Variants in HS6ST3 observed in about 807,000 individuals in gnomAD.
HS6ST3 encodes the protein heparan sulfate 6-O-sulfotransferase 3, also known as heparan-sulfate 6-O-sulfotransferase 3.
In HS6ST3, 12 loss-of-function variants were observed where a neutral mutation model predicts 36.7. The ratio of observed to expected loss-of-function variants is 0.33; its 90% CI spans 0.21 to 0.53. HS6ST3 has a LOEUF of 0.53. Among genes scored for constraint, HS6ST3 ranks in the 20% least tolerant of loss-of-function variants. The pLI is 0.95. For synonymous variants in HS6ST3, 240 were observed against 257.5 expected, an observed-to-expected ratio of 0.93 and a Z score of 0.65; for missense variants, 584 against 640.9, an observed-to-expected ratio of 0.91 and a Z score of 0.96.
rs59107741 is a variant in HS6ST3 at position 96,112,578 on chromosome 13, AATATATAT to A, written c.707+21046_707+21053del. Among the ~76,000 whole-genome samples the A allele has an allele frequency of 6.8e-3, 554 of 81,216 alleles. 41 individuals are homozygous for A. Among genetic ancestry groups the A allele is most frequent in the East Asian group, 0.012 (29 of 2,424 alleles). The allele number at this position is 81,216 out of a possible 152,430, so 53.3% of individuals were successfully genotyped here. A position where few individuals can be genotyped will look rare whatever the true frequency, so the allele number is the denominator to read the frequency against. ...TAAAACCCCATCTCTAAAATAAATA[AATATATAT>A]ATATATATATATATATATATATATA... is the stretch of plus-strand genomic sequence containing the variant. On this transcript the variant is annotated intron_variant, in intron 1 of 1. Coordinates refer to ENST00000376705, the MANE Select transcript of HS6ST3 (RefSeq NM_153456.4).
chr13:96,708,741 C>A (rs1483696363), intron 1 of HS6ST3, among the ~76,000 whole-genome samples: 1 of 152,164 alleles, frequency 6.6e-6, no homozygotes, highest in Non-Finnish European at 1.5e-5. Context: ...TTCAACTCAT[C>A]TGGGGAGCAG....
At chr13:96,242,220 C>CTT (rs149222857) in intron 1 of HS6ST3, among the ~76,000 whole-genome samples, 6 of 146,862 alleles carry the variant, frequency 4.1e-5, no homozygotes, top group South Asian at 2.2e-4. Flanking sequence ...GTTTTTGAGT[C>CTT]TTTTTTTTTT....
At chr13:96,438,795 G>A (rs1243515391) in intron 1 of HS6ST3, among the ~76,000 whole-genome samples, 1 of 152,230 alleles carries the variant, frequency 6.6e-6, no homozygotes, top group African/African-American at 2.4e-5. Flanking sequence ...GCTGGGCACA[G>A]TGGCTCATGC....
chr13:96,294,532 C>T (rs1343940966), intron 1 of HS6ST3, among the ~76,000 whole-genome samples: 4 of 152,038 alleles, frequency 2.6e-5, no homozygotes, highest in Admixed American at 2.6e-4. Flanking sequence ...AATGCAAACC[C>T]AGGATGTTCC....
chr13:96,758,941 A>G (rs1876898390), intron 1 of HS6ST3, among the ~76,000 whole-genome samples: 1 of 151,616 alleles, frequency 6.6e-6, no homozygotes, highest in Non-Finnish European at 1.5e-5. Flanking sequence ...ATTATCCTGA[A>G]TTTCTCTATT....
At position 96,701,796 on chromosome 13, in the gene HS6ST3, C is replaced by CA. The variant is rs1277943101; in HGVS notation, c.708-130686dup. Among the ~76,000 whole-genome samples, 10 of 151,670 alleles carry CA rather than the reference C, an allele frequency of 6.6e-5. No homozygotes were observed. In the East Asian group the frequency reaches 9.7e-4, roughly 15 times the overall value. On this transcript the variant is annotated intron_variant, in intron 1 of 1. Coordinates refer to ENST00000376705, the MANE Select transcript of HS6ST3 (RefSeq NM_153456.4). ...GCAACATGATGACATCCCATCTCTA[C>CA]AAAAAAAATACAAAAATTAGCCAGG...
intron 1 of HS6ST3, among the ~76,000 whole-genome samples, chr13:96,167,831 T>C (rs1001094668): frequency 5.3e-5 from 8 of 152,212 alleles, no homozygotes; most frequent in Non-Finnish European, 1.2e-4. Flanking sequence ...TTTATAAATA[T>C]ATGTCTAAAG....
intron 1 of HS6ST3, among the ~76,000 whole-genome samples, chr13:96,780,005 G>A (rs1019642825): frequency 6.6e-6 from 1 of 152,120 alleles, no homozygotes; most frequent in Non-Finnish European, 1.5e-5. Context: ...CAAAGAACTA[G>A]GACAAGGTAA....
chr13:96,608,515 G>A (rs780828968), intron 1 of HS6ST3, among the ~76,000 whole-genome samples: 1 of 152,180 alleles, frequency 6.6e-6, no homozygotes, highest in Non-Finnish European at 1.5e-5. Context: ...AGGCTATTGA[G>A]AGGACAAAGG....
At position 96,189,602 on chromosome 13, in the gene HS6ST3, C is replaced by T. The variant is rs1215839990; in HGVS notation, c.707+98033C>T. Among the ~76,000 whole-genome samples the T allele has an allele frequency of 2.6e-5, 4 of 152,186 alleles. No homozygotes were observed. The East Asian group carries it at 7.7e-4, about 29-fold the overall frequency. ...TTCTGGGGGTCCAAGAATCAGTCAA[C>T]ATTTGCTGCAGTAATAACTGTCAAA... On this transcript the variant is annotated intron_variant, in intron 1 of 1. Transcript: ENST00000376705.
intron 1 of HS6ST3, among the ~76,000 whole-genome samples, chr13:96,714,904 G>T (rs998314847): frequency 5.9e-5 from 9 of 151,812 alleles, no homozygotes; most frequent in African/African-American, 2.2e-4. Context: ...ACAGGGTCTT[G>T]CTATTTTGCC....
chr13:96,167,909 A>G (rs1376290307), intron 1 of HS6ST3, among the ~76,000 whole-genome samples: 1 of 152,198 alleles, frequency 6.6e-6, no homozygotes, highest in African/African-American at 2.4e-5. Context: ...GATGATTAAG[A>G]TTTTTGTGCT....
intron 1 of HS6ST3, among the ~76,000 whole-genome samples, chr13:96,723,403 C>T (rs1011091046): frequency 1.3e-5 from 2 of 152,144 alleles, no homozygotes; most frequent in Admixed American, 6.5e-5. Flanking sequence ...TGGGTGGCTC[C>T]TGATGACTCT....
At chr13:96,273,851 A>T (rs2054733216) in intron 1 of HS6ST3, among the ~76,000 whole-genome samples, 1 of 151,764 alleles carries the variant, frequency 6.6e-6, no homozygotes, top group Admixed American at 6.6e-5. Flanking sequence ...TTGGGAACCA[A>T]ACCCTGCCAG....
At chr13:96,335,414 G>GC (rs976010595) in intron 1 of HS6ST3, among the ~76,000 whole-genome samples, 10 of 152,148 alleles carry the variant, frequency 6.6e-5, no homozygotes, top group Non-Finnish European at 1.2e-4. Context: ...TGGTTTGGGG[G>GC]CCCCTGTGAC....
intron 1 of HS6ST3, among the ~76,000 whole-genome samples, chr13:96,820,082 TAA>T (rs1248454225): frequency 1.5e-5 from 2 of 136,054 alleles, no homozygotes. Flanking sequence ...TCTCAAAAAA[TAA>T]AAAAAAAAAA....
At chr13:96,345,482 T>C (rs150124187) in intron 1 of HS6ST3, among the ~76,000 whole-genome samples, 8 of 152,314 alleles carry the variant, frequency 5.3e-5, no homozygotes, top group African/African-American at 1.9e-4. Context: ...CCAGTAGATG[T>C]GAAAGGATTC....
chr13:96,623,818 G>T (rs1412697399), intron 1 of HS6ST3, among the ~76,000 whole-genome samples: 1 of 152,104 alleles, frequency 6.6e-6, no homozygotes, highest in African/African-American at 2.4e-5. Context: ...CAAGAAAGCA[G>T]GGCTAATGTA....
At chr13:96,479,949 T>C (rs113558306) in intron 1 of HS6ST3, among the ~76,000 whole-genome samples, 1 of 152,152 alleles carries the variant, frequency 6.6e-6, no homozygotes, top group African/African-American at 2.4e-5. Flanking sequence ...ATTGACCCAC[T>C]ATATTCTGCT....
Sources: gnomAD v4.1 joint callset for allele counts (sites outside exome capture counted in the v4.1 genomes callset) on GRCh38, gnomAD v4.1.1 for gene constraint, MANE v1.5 for transcripts, NCBI Gene and HGNC (gene_info 2026-07-23, HGNC 2026-07-21) for gene names.